Variants in AFAP1L1 observed in about 807,000 individuals in gnomAD.
AFAP1L1 encodes the protein actin filament associated protein 1 like 1.
AFAP1L1 carries 77 observed loss-of-function variants against 99.8 expected under a neutral mutation model. The observed-to-expected ratio is 0.77, with a 90% CI of 0.64 to 0.93. The LOEUF (loss-of-function observed/expected upper bound fraction) is 0.93, where lower values mean the gene tolerates loss of function less well. AFAP1L1 is among the 40% of genes least tolerant of loss of function. AFAP1L1 has a pLI of 0.00. For missense variants in AFAP1L1, 893 were observed against 996.8 expected, an observed-to-expected ratio of 0.90 and a Z score of 1.40; for synonymous variants, 373 against 395.3, an observed-to-expected ratio of 0.94 and a Z score of 0.67.
At chr5:149,296,574 C>T (rs1248569349) in intron 1 of AFAP1L1, among the ~76,000 whole-genome samples, 2 of 152,140 alleles carry the variant, frequency 1.3e-5, no homozygotes, top group East Asian at 3.9e-4. Context: ...TGAGGGAATA[C>T]GCATGTTTGT....
intron 15 of AFAP1L1, among the ~76,000 whole-genome samples, chr5:149,325,305 C>A (rs553682817): frequency 1.3e-5 from 2 of 152,190 alleles, no homozygotes; most frequent in Non-Finnish European, 2.9e-5. Context: ...CATGTCTGGA[C>A]AAGAAAACAG....
At chr5:149,280,999 T>C (rs1755501225) in intron 1 of AFAP1L1, among the ~76,000 whole-genome samples, 1 of 152,228 alleles carries the variant, frequency 6.6e-6, no homozygotes, top group Admixed American at 6.5e-5. Flanking sequence ...TTTTAACTTT[T>C]AGAAGCACTT....
intron 15 of AFAP1L1, among the ~76,000 whole-genome samples, chr5:149,323,099 C>G (rs1010302987): frequency 1.3e-5 from 2 of 152,090 alleles, no homozygotes; most frequent in Non-Finnish European, 2.9e-5. Context: ...TAGGTGAAGT[C>G]TACTTATTTT....
At chr5:149,336,229 TGTCCTCA>T (rs1009296201) in intron 18 of AFAP1L1, among the ~76,000 whole-genome samples, 1 of 152,220 alleles carries the variant, frequency 6.6e-6, no homozygotes, top group Non-Finnish European at 1.5e-5. Context: ...AACCTCAATA[TGTCCTCA>T]GGTGGTACCA....
intron 5 of AFAP1L1, among the ~76,000 whole-genome samples, chr5:149,303,467 G>A (rs1005878137): frequency 6.6e-6 from 1 of 152,244 alleles, no homozygotes; most frequent in Non-Finnish European, 1.5e-5. Context: ...GGATGGCTCA[G>A]CATGAGTAGT....
At chr5:149,297,672 G>A (rs994078349) in intron 1 of AFAP1L1, among the ~76,000 whole-genome samples, 4 of 152,126 alleles carry the variant, frequency 2.6e-5, no homozygotes, top group African/African-American at 9.7e-5. Flanking sequence ...CTATACATAA[G>A]ATTTATATTT....
rs999916803 is a variant in AFAP1L1 at position 149,271,994 on chromosome 5, G to A, written c.16+10G>A. The A allele has an allele frequency of 3.2e-6, 4 of 1,238,976 alleles. No individual in the cohort carries two copies. The highest frequency in any genetic ancestry group is 1.6e-5 in the African/African-American group (1 of 64,380). 76.7% of individuals were successfully genotyped at this position (1,238,976 alleles called of 1,614,324 possible). ...ATGGACCGAGGCCAGGGTAAGAGGG[G>A]CCGCGACGCCCGCACTTGTTGCGGC... On this transcript the variant is annotated intron_variant, in intron 1 of 18. Transcript: ENST00000296721.
At chr5:149,305,878 C>CCACACACACACACA (rs56036411) in intron 5 of AFAP1L1, among the ~76,000 whole-genome samples, 199 of 142,554 alleles carry the variant, frequency 1.4e-3, no homozygotes, top group East Asian at 0.013. Context: ...GACCAACACA[C>CCACACACACACACA]CACACACACA....
intron 1 of AFAP1L1, among the ~76,000 whole-genome samples, chr5:149,294,307 C>T (rs1467218027): frequency 2.0e-5 from 3 of 152,258 alleles, no homozygotes; most frequent in African/African-American, 7.2e-5. Context: ...TACTAAAAAT[C>T]GAAGTTACTG....
chr5:149,322,525 C>A, intron 14 of AFAP1L1, 81 bp from the exon 15 acceptor site: 1 of 972,564 alleles, frequency 1.0e-6, no homozygotes. Context: ...AGACTCCATA[C>A]TGAGCAAAGA....
chr5:149,274,237 T>C (rs1311220631), intron 1 of AFAP1L1, among the ~76,000 whole-genome samples: 1 of 152,198 alleles, frequency 6.6e-6, no homozygotes, highest in African/African-American at 2.4e-5. Context: ...ACCTGGCACA[T>C]AGTGCACAGT....
At chr5:149,326,496 G>A (rs1489938037) in intron 15 of AFAP1L1, among the ~76,000 whole-genome samples, 2 of 148,568 alleles carry the variant, frequency 1.3e-5, no homozygotes, top group African/African-American at 5.0e-5. Flanking sequence ...CCCTGATGGT[G>A]CCACTGCACT....
chr5:149,293,710 T>C (rs1755930418), intron 1 of AFAP1L1, among the ~76,000 whole-genome samples: 1 of 152,194 alleles, frequency 6.6e-6, no homozygotes, highest in Non-Finnish European at 1.5e-5. Context: ...ATAACAACAA[T>C]GACAAAACAA....
chr5:149,329,572 G>A, intron 15 of AFAP1L1, 94 bp from the exon 16 acceptor site: 1 of 1,229,820 alleles, frequency 8.1e-7, no homozygotes, highest in South Asian at 1.6e-5. Context: ...TTTCATAGAT[G>A]GAGAAGTTGG....
chr5:149,295,558 G>A (rs1755990311), intron 1 of AFAP1L1, among the ~76,000 whole-genome samples: 1 of 151,728 alleles, frequency 6.6e-6, no homozygotes, highest in Non-Finnish European at 1.5e-5. Context: ...ACAAAAGAAG[G>A]GAGAGAGGGA....
rs11325171 is a variant in AFAP1L1, at chr5:149,342,909, CA to C, written c.*2892del. 0.57 allele frequency among the ~76,000 whole-genome samples: 83,602 copies of C among 145,778 alleles called. 24,363 individuals are homozygous for C. The highest frequency in any genetic ancestry group is 0.73 in the African/African-American group (29,104 of 39,764). On this transcript the variant is annotated 3_prime_UTR_variant, in exon 19 of 19. Coordinates refer to ENST00000296721, the MANE Select transcript of AFAP1L1 (RefSeq NM_152406.4). ...CCTGGGCAATAGCAAGACTCCATCT[CA>C]AAAAAAAAAAAATGCCTTATTTGGT... is the stretch of plus-strand genomic sequence containing the variant.
In AFAP1L1 at chr5:149,302,520, T is replaced by C; in HGVS notation, c.430T>C (p.Ser144Pro). Residue 144 changes from serine (S) to proline (P), a missense_variant, in exon 5 of 19, where the codon TCC becomes CCC. Physicochemically the swap from Ser to Pro is moderately conservative, Grantham distance 74 (BLOSUM62 -1). Transcript: ENST00000296721. Reference sequence around the variant, plus strand: ...CGGCAAGTCGCCTGAGTACATCAGCTCCCACAGTAAGTTCTGGTCCTCTTG... The same window carrying C: ...CGGCAAGTCGCCTGAGTACATCAGCCCCCACAGTAAGTTCTGGTCCTCTTG... ...GPGKSPEYIS[S>P]HNGCSPSHSI... 1.9e-6 allele frequency: 3 copies of C among 1,579,112 alleles called. No individual in the cohort carries two copies. In the Middle Eastern group the frequency reaches 5.0e-4, roughly 262 times the overall value.
intron 1 of AFAP1L1, among the ~76,000 whole-genome samples, chr5:149,289,969 C>T (rs1230018510): frequency 1.3e-5 from 2 of 152,204 alleles, no homozygotes; most frequent in African/African-American, 2.4e-5. Context: ...TGCGGTGGCT[C>T]ACGCCTGTAA....
intron 15 of AFAP1L1, 86 bp downstream of exon 15, chr5:149,322,803 G>A (rs965405154): frequency 2.7e-6 from 3 of 1,110,594 alleles, no homozygotes; most frequent in Non-Finnish European, 3.9e-6. Context: ...CAGTTTCCCT[G>A]GTGGGTAAAT....
Sources: gnomAD v4.1 joint callset for allele counts (sites outside exome capture counted in the v4.1 genomes callset) on GRCh38, gnomAD v4.1.1 for gene constraint, MANE v1.5 for transcripts, NCBI Gene and HGNC (gene_info 2026-07-23, HGNC 2026-07-21) for gene names.